Variants in NID1 observed in about 807,000 individuals in gnomAD.
NID1 encodes nidogen 1.
In NID1, 76 loss-of-function variants were observed where a neutral mutation model predicts 130.6. The ratio of observed to expected loss-of-function variants is 0.58; its 90% CI spans 0.48 to 0.70. NID1 has a LOEUF of 0.70. NID1 is among the 30% of genes least tolerant of loss of function. The pLI is 0.00. For missense variants in NID1, 1,517 were observed against 1,664.8 expected (o/e 0.91, Z 1.54); for synonymous variants, 665 against 675.1 (o/e 0.98, Z 0.23).
intron 1 of NID1, among the ~76,000 whole-genome samples, chr1:236,050,657 G>A (rs574712499): frequency 1.3e-5 from 2 of 152,288 alleles, no homozygotes; most frequent in African/African-American, 4.8e-5. Context: ...GCCCCTTGGA[G>A]TGGGGGCACT....
intron 14 of NID1, among the ~76,000 whole-genome samples, chr1:235,989,126 A>G (rs1232660684): frequency 7.6e-6 from 1 of 132,080 alleles, no homozygotes; most frequent in African/African-American, 3.0e-5. Context: ...CCAGGATCTC[A>G]GCTCACTGCA....
At chr1:235,978,131 A>G (rs1454169194) in intron 19 of NID1, 143 bp from the exon 20 acceptor site, 2 of 930,672 alleles carry the variant, frequency 2.1e-6, no homozygotes, top group Admixed American at 2.7e-5. Context: ...GAATGGGGAC[A>G]CTGTGCTAGG....
At chr1:236,006,804 G>A (rs918093427) in intron 12 of NID1, among the ~76,000 whole-genome samples, 1 of 152,090 alleles carries the variant, frequency 6.6e-6, no homozygotes. Context: ...TGACAACCAG[G>A]CTCACCTTAG....
At chr1:236,023,604 T>C (rs964767852) in intron 9 of NID1, among the ~76,000 whole-genome samples, 1 of 151,616 alleles carries the variant, frequency 6.6e-6, no homozygotes, top group African/African-American at 2.4e-5. Flanking sequence ...GTTAAAATGG[T>C]ATATTTTATA....
chr1:236,040,397 A>C (rs4659621), intron 4 of NID1, among the ~76,000 whole-genome samples: 36,541 of 152,016 alleles, frequency 0.24, 4,648 homozygotes, highest in Admixed American at 0.35. Context: ...TCTCGTCCAC[A>C]GTTTGGGATA....
chr1:236,034,210 C>T (rs1659178232), intron 5 of NID1, among the ~76,000 whole-genome samples: 1 of 152,090 alleles, frequency 6.6e-6, no homozygotes, highest in South Asian at 2.1e-4. Context: ...CATCTGAGAT[C>T]AGGAGTTCGA....
intron 12 of NID1, among the ~76,000 whole-genome samples, chr1:235,998,956 C>G (rs953802450): frequency 2.6e-5 from 4 of 152,184 alleles, no homozygotes; most frequent in African/African-American, 9.7e-5. Context: ...TGGCTCAGTT[C>G]TAACGAGAAC....
intron 1 of NID1, among the ~76,000 whole-genome samples, chr1:236,062,027 A>T (rs1224211734): frequency 6.6e-6 from 1 of 151,816 alleles, no homozygotes; most frequent in Non-Finnish European, 1.5e-5. Context: ...AGTTCCTCAA[A>T]ATATTAAACA....
rs769834068 is a variant in NID1, at chr1:236,064,924, G to A, written c.156C>T (p.Phe52=). 3 of 1,611,732 alleles carry A rather than the reference G, an allele frequency of 1.9e-6. No individual in the cohort carries two copies. ...CACTCAGCTCCAGGGCAGGAGAGACGAAGTCATCCCCGTCCTCCAGCTCCA... is the reference window on the plus strand; with the variant it reads ...CACTCAGCTCCAGGGCAGGAGAGACAAAGTCATCCCCGTCCTCCAGCTCCA... ...GDLELEDGDD[F]VSPALELSGA... Residue 52 remains phenylalanine, a synonymous_variant, in exon 1 of 20, where the codon TTC becomes TTT. Transcript: ENST00000264187.
intron 15 of NID1, among the ~76,000 whole-genome samples, chr1:235,984,333 T>C (rs188192162): frequency 1.2e-4 from 19 of 152,330 alleles, no homozygotes; most frequent in Non-Finnish European, 2.6e-4. Flanking sequence ...AGGGTCTATG[T>C]CCAAAGCCAG....
rs201165570 is a variant in NID1, at chr1:236,025,888, C to T, written c.1984+8G>A. On this transcript the variant is annotated splice_region_variant and intron_variant, in intron 8 of 19. Transcript: ENST00000264187. The stretch of plus-strand genomic sequence containing the variant: ...CACCTGTGCCCAGCATGAGCTGTAT[C>T]CCCTTACCCCTCACAGGCCCAATGG... The T allele has an allele frequency of 2.2e-5, 35 of 1,613,178 alleles. No homozygotes were observed. The highest frequency in any genetic ancestry group is 2.0e-4 in the Admixed American group (12 of 59,968).
In NID1 at chr1:235,985,724, TTG is replaced by T. The variant is rs759787113; in HGVS notation, c.2929-221_2929-220del. On this transcript the variant is annotated intron_variant, in intron 14 of 19. Coordinates refer to ENST00000264187, the MANE Select transcript of NID1 (RefSeq NM_002508.3). ...TATGCACATCTATATGTATAGGAAT[TTG>T]TGTGTGTGTGTGTGTGTGTGTGTGT... Among the ~76,000 whole-genome samples, 532 of 146,972 alleles carry T rather than the reference TTG, an allele frequency of 3.6e-3. 3 individuals carry two copies. The highest frequency in any genetic ancestry group is 6.2e-3 in the East Asian group (29 of 4,646).
At chr1:236,023,988 C>G in intron 9 of NID1, 82 bp downstream of exon 9, 1 of 1,562,430 alleles carries the variant, frequency 6.4e-7, no homozygotes, top group Non-Finnish European at 8.7e-7. Context: ...CTTGCTGCAC[C>G]CAGTTCTCTG....
chr1:236,059,477 C>T (rs1027819338), intron 1 of NID1, among the ~76,000 whole-genome samples: 3 of 152,132 alleles, frequency 2.0e-5, no homozygotes, highest in African/African-American at 4.8e-5. Flanking sequence ...TCTCATTAAA[C>T]CTAGTAAAGA....
At chr1:235,989,017 C>T (rs1266857825) in intron 14 of NID1, among the ~76,000 whole-genome samples, 1 of 151,480 alleles carries the variant, frequency 6.6e-6, no homozygotes, top group African/African-American at 2.4e-5. Context: ...GAATGTTTAT[C>T]CCGTTGTTTC....
intron 7 of NID1, among the ~76,000 whole-genome samples, chr1:236,026,692 A>T (rs1488533352): frequency 6.6e-6 from 1 of 151,982 alleles, no homozygotes; most frequent in Non-Finnish European, 1.5e-5. Flanking sequence ...TAACTGCTTT[A>T]TATAGGTTAT....
chr1:236,019,236 A>G (rs1265204955), intron 9 of NID1, among the ~76,000 whole-genome samples: 1 of 152,226 alleles, frequency 6.6e-6, no homozygotes, highest in African/African-American at 2.4e-5. Context: ...AGCTCCATCC[A>G]TCAGCTGCCG....
intron 12 of NID1, among the ~76,000 whole-genome samples, chr1:235,998,558 C>T (rs143207876): frequency 0.012 from 1,866 of 151,990 alleles, 40 homozygotes; most frequent in African/African-American, 0.035. Flanking sequence ...GCCTGTAATC[C>T]CAGCTACTCG....
chr1:236,012,678 A>G (rs987023922), intron 11 of NID1, among the ~76,000 whole-genome samples: 1 of 152,216 alleles, frequency 6.6e-6, no homozygotes, highest in African/African-American at 2.4e-5. Flanking sequence ...TGAGAGCTTC[A>G]AAACTGTCTG....
Sources: gnomAD v4.1 joint callset for allele counts (sites outside exome capture counted in the v4.1 genomes callset) on GRCh38, gnomAD v4.1.1 for gene constraint, MANE v1.5 for transcripts, NCBI Gene and HGNC (gene_info 2026-07-23, HGNC 2026-07-21) for gene names.